Variants in ALDH4A1 observed in about 807,000 individuals in gnomAD.
ALDH4A1 encodes delta-1-pyrroline-5-carboxylate dehydrogenase, mitochondrial.
ALDH4A1 carries 46 observed loss-of-function variants against 70.5 expected under a neutral mutation model. That is an observed-to-expected ratio of 0.65 (90% CI 0.51 to 0.83). ALDH4A1 has a LOEUF of 0.83. Among genes scored for constraint, ALDH4A1 ranks in the 40% least tolerant of loss-of-function variants. ALDH4A1 has a pLI of 0.00. For missense variants in ALDH4A1, 749 were observed against 766.5 expected, an observed-to-expected ratio of 0.98 and a Z score of 0.27; for synonymous variants, 323 against 324.3, an observed-to-expected ratio of 1.00 and a Z score of 0.04.
chr1:18,887,291 A>T (rs1935239817), intron 3 of ALDH4A1, among the ~76,000 whole-genome samples: 1 of 152,278 alleles, frequency 6.6e-6, no homozygotes, highest in South Asian at 2.1e-4. Flanking sequence ...AGGCGGACGA[A>T]GGCCCACCTA....
At chr1:18,897,970 G>C (rs549692343) in intron 1 of ALDH4A1, among the ~76,000 whole-genome samples, 16 of 152,150 alleles carry the variant, frequency 1.1e-4, no homozygotes, top group Non-Finnish European at 2.1e-4. Flanking sequence ...GATTAAGGAG[G>C]CTGCAAGAAA....
At chr1:18,881,009 C>T (rs1456283570) in intron 8 of ALDH4A1, among the ~76,000 whole-genome samples, 1 of 152,114 alleles carries the variant, frequency 6.6e-6, no homozygotes, top group Non-Finnish European at 1.5e-5. Context: ...GCCTGAGAGC[C>T]GGGACCTTGT....
intron 5 of ALDH4A1, 84 bp from the exon 6 acceptor site, chr1:18,883,512 G>A (rs1029677395): frequency 1.6e-5 from 25 of 1,584,028 alleles, no homozygotes; most frequent in African/African-American, 5.4e-5. Context: ...TGCCCAAAGC[G>A]AGCACTGAGC....
intron 14 of ALDH4A1, among the ~76,000 whole-genome samples, 198 bp from the exon 15 acceptor site, chr1:18,873,155 C>G (rs1934520069): frequency 1.3e-5 from 2 of 152,058 alleles, no homozygotes; most frequent in Admixed American, 1.3e-4. Flanking sequence ...GGGGAGCCTC[C>G]ATTGTTCTCT....
intron 1 of ALDH4A1, among the ~76,000 whole-genome samples, chr1:18,892,198 C>T (rs1225949535): frequency 6.6e-6 from 1 of 152,098 alleles, no homozygotes; most frequent in Non-Finnish European, 1.5e-5. Flanking sequence ...CTCAAAGACC[C>T]AGCCTGGGAA....
At chr1:18,892,362 C>T (rs1054653180) in intron 1 of ALDH4A1, among the ~76,000 whole-genome samples, 7 of 152,154 alleles carry the variant, frequency 4.6e-5, no homozygotes, top group Admixed American at 3.3e-4. Context: ...CCTGGCTGCA[C>T]ACAGGTGACC....
At chr1:18,889,655 G>A (rs911316826) in intron 2 of ALDH4A1, among the ~76,000 whole-genome samples, 2 of 152,200 alleles carry the variant, frequency 1.3e-5, no homozygotes, top group African/African-American at 2.4e-5. Flanking sequence ...CACCCTGCAG[G>A]AAGGTGAGGT....
rs76810956 is a variant in ALDH4A1 at position 18,890,609 on chromosome 1, C to A, written c.63-504G>T. 4.0e-5 allele frequency: 35 copies of A among 868,626 alleles called. No individual in the cohort carries two copies. In the East Asian group the frequency reaches 3.3e-3, roughly 81 times the overall value. 53.8% of individuals were successfully genotyped at this position (868,626 alleles called of 1,614,324 possible). On this transcript the variant is annotated intron_variant, in intron 1 of 14. Transcript: ENST00000375341. ...ACCCAAGGTTCAAGTCCCAGTCCCA[C>A]GGTTGTGTGTCCTTGAGCCTGTGAG...
chr1:18,884,758 A>G (rs1935124300), intron 5 of ALDH4A1, among the ~76,000 whole-genome samples: 1 of 152,186 alleles, frequency 6.6e-6, no homozygotes, highest in South Asian at 2.1e-4. Context: ...GCTCTGGGGA[A>G]ACAGAGGCAG....
intron 5 of ALDH4A1, among the ~76,000 whole-genome samples, chr1:18,884,865 G>C (rs142510303): frequency 3.9e-5 from 6 of 152,332 alleles, no homozygotes; most frequent in Non-Finnish European, 7.4e-5. Flanking sequence ...GCACGGAAGA[G>C]ACAGCAGGCA....
At chr1:18,896,450 T>C (rs540891967) in intron 1 of ALDH4A1, among the ~76,000 whole-genome samples, 103 of 152,012 alleles carry the variant, frequency 6.8e-4, no homozygotes, top group Non-Finnish European at 3.1e-4. Context: ...AGAGGAGAAA[T>C]AGAAAGGAAA....
At chr1:18,897,393 A>C (rs1420957975) in intron 1 of ALDH4A1, among the ~76,000 whole-genome samples, 1 of 152,176 alleles carries the variant, frequency 6.6e-6, no homozygotes, top group Non-Finnish European at 1.5e-5. Context: ...AAGTACAAAA[A>C]TTAGCTGGAC....
rs116286147 is a variant in ALDH4A1, at chr1:18,886,590, G to A, written c.250-79C>T. The stretch of plus-strand genomic sequence containing the variant: ...GATGAAGAGGACTGGACTCAGAGCC[G>A]GTTTTCCAGGAAAGTCCTGGACACG... On this transcript the variant is annotated intron_variant, in intron 3 of 14. Coordinates refer to ENST00000375341, the MANE Select transcript of ALDH4A1 (RefSeq NM_003748.4). 2,779 of 1,519,226 alleles carry A rather than the reference G, an allele frequency of 1.8e-3. 51 individuals are homozygous for A. In the African/African-American group the frequency reaches 0.032, roughly 18 times the overall value. The allele number at this position is 1,519,226 out of a possible 1,614,324, so 94.1% of individuals were successfully genotyped here. A position where few individuals can be genotyped will look rare whatever the true frequency, so the allele number is the denominator to read the frequency against.
In ALDH4A1 at chr1:18,878,802, G is replaced by A. The variant is rs150467582; in HGVS notation, c.940+498C>T. Among the ~76,000 whole-genome samples, 95 of 152,236 alleles carry A rather than the reference G, an allele frequency of 6.2e-4. 1 individual carries two copies. The highest frequency in any genetic ancestry group is 3.4e-3 in the Middle Eastern group (1 of 294). On this transcript the variant is annotated intron_variant, in intron 9 of 14. Transcript: ENST00000375341. ...TCCTTGACCATGAAACTGTTTCTTT[G>A]TGGGAAAACTTTAATATGCCAACAA... is the stretch of plus-strand genomic sequence containing the variant.
chr1:18,876,419 T>G lies in ALDH4A1; in HGVS notation c.1234A>C (p.Ser412Arg), dbSNP rs769943654. ...TTGCCCCCGGCCAGGATGGTGAGGCTGGGTGAGGAGCGTGCGTGCTCCAGC... is the reference window on the plus strand; with the variant it reads ...TTGCCCCCGGCCAGGATGGTGAGGCGGGGTGAGGAGCGTGCGTGCTCCAGC... ...KWLEHARSSP[S>R]LTILAGGKCD... The change falls in exon 12 of 15, where the codon AGC becomes CGC. Residue 412 changes from serine (S) to arginine (R), a missense_variant. Coordinates refer to ENST00000375341, the MANE Select transcript of ALDH4A1 (RefSeq NM_003748.4). 6.2e-7 allele frequency: 1 copy of G among 1,612,322 alleles called. No individual in the cohort carries two copies. The highest frequency in any genetic ancestry group is 8.5e-7 in the Non-Finnish European group (1 of 1,179,436).
intron 5 of ALDH4A1, among the ~76,000 whole-genome samples, chr1:18,884,835 A>G (rs1427592900): frequency 6.6e-6 from 1 of 152,194 alleles, no homozygotes; most frequent in African/African-American, 2.4e-5. Flanking sequence ...GGGCTGGACC[A>G]GGAGGTAAGA....
At position 18,898,986 on chromosome 1, in the gene ALDH4A1, T is replaced by C. The variant is rs1405076552; in HGVS notation, c.62+3476A>G. ...AAACCACTGATCACATCACCGCTAA[T>C]CCTTGCAGCCACCTGCTACGTGGCT... On this transcript the variant is annotated intron_variant, in intron 1 of 14. Coordinates refer to ENST00000375341, the MANE Select transcript of ALDH4A1 (RefSeq NM_003748.4). This position sits in a 1 kb window ranked among gnomAD's most constrained non-coding sequence, Gnocchi z 4.3. Among the ~76,000 whole-genome samples, 5 of 152,238 alleles carry C rather than the reference T, an allele frequency of 3.3e-5. No homozygotes were observed. Among genetic ancestry groups the C allele is most frequent in the East Asian group, 1.9e-4 (1 of 5,196 alleles).
At chr1:18,900,945 G>A in intron 1 of ALDH4A1, 1 of 977,790 alleles carries the variant, frequency 1.0e-6, no homozygotes, top group Non-Finnish European at 1.2e-6. Context: ...TTATCTTTTA[G>A]AATATGGATT....
intron 1 of ALDH4A1, among the ~76,000 whole-genome samples, chr1:18,894,623 C>A (rs187774251): frequency 6.6e-6 from 1 of 152,332 alleles, no homozygotes; most frequent in East Asian, 1.9e-4. Flanking sequence ...AGAGATCCTG[C>A]AGGCCTCCCT....
Sources: gnomAD v4.1 joint callset for allele counts (sites outside exome capture counted in the v4.1 genomes callset) on GRCh38, gnomAD v4.1.1 for gene constraint, Gnocchi (gnomAD v3.1) non-coding constraint, MANE v1.5 for transcripts, NCBI Gene and HGNC (gene_info 2026-07-23, HGNC 2026-07-21) for gene names.